The following ETFA variants were observed in gnomAD, a reference collection of about 807,000 sequenced individuals.
The protein encoded by ETFA is electron transfer flavoprotein subunit alpha, mitochondrial.
ETFA carries 22 observed loss-of-function variants against 46.2 expected under a neutral mutation model. The ratio of observed to expected loss-of-function variants is 0.48; its 90% CI spans 0.34 to 0.68. The LOEUF (loss-of-function observed/expected upper bound fraction) is 0.68, where lower values mean the gene tolerates loss of function less well. Among genes scored for constraint, ETFA ranks in the 30% least tolerant of loss-of-function variants. The probability of loss-of-function intolerance (pLI) is 0.01; values close to 1 mark genes in which losing one functional copy is unlikely to be tolerated. For synonymous variants in ETFA, 131 were observed against 139.9 expected, an observed-to-expected ratio of 0.94 and a Z score of 0.45; for missense variants, 345 against 401.1, an observed-to-expected ratio of 0.86 and a Z score of 1.19.
chr15:76,229,899 T>C (rs1172208386), intron 10 of ETFA: 1 of 152,166 alleles, frequency 6.6e-6, no homozygotes, highest in African/African-American at 2.4e-5. Flanking sequence ...CTATATATTA[T>C]TATGCATGAA....
chr15:76,239,925 T>C (rs2039167940), intron 9 of ETFA, among the ~76,000 whole-genome samples: 1 of 152,164 alleles, frequency 6.6e-6, no homozygotes, highest in African/African-American at 2.4e-5. Flanking sequence ...GATTTATTGC[T>C]CTATCAACCA....
chr15:76,217,814 A>G, intron 11 of ETFA: 1 of 265,014 alleles, frequency 3.8e-6, no homozygotes, highest in Non-Finnish European at 7.8e-6. Flanking sequence ...TGATGAATAC[A>G]GCCTCTCAAT....
At chr15:76,258,170 T>TAATA (rs10688626) in intron 9 of ETFA, among the ~76,000 whole-genome samples, 34,386 of 151,000 alleles carry the variant, frequency 0.23, 4,596 homozygotes, top group African/African-American at 0.37. Flanking sequence ...TAAAGTATAA[T>TAATA]AATAAATAAA....
intron 9 of ETFA, among the ~76,000 whole-genome samples, chr15:76,265,888 T>C (rs987667350): frequency 1.3e-5 from 2 of 152,214 alleles, no homozygotes; most frequent in African/African-American, 4.8e-5. Context: ...TGGAGTATCA[T>C]TTTTAGCAGT....
intron 11 of ETFA, among the ~76,000 whole-genome samples, chr15:76,218,090 A>G (rs2038916443): frequency 6.6e-6 from 1 of 152,256 alleles, no homozygotes; most frequent in Non-Finnish European, 1.5e-5. Context: ...CGGGACCTGT[A>G]TATTTCATGA....
At chr15:76,272,586 A>G (rs1051811392) in intron 9 of ETFA, among the ~76,000 whole-genome samples, 11 of 151,984 alleles carry the variant, frequency 7.2e-5, no homozygotes, top group African/African-American at 2.7e-4. Flanking sequence ...ATGAAATCAG[A>G]CCTACAGATG....
At chr15:76,283,862 C>T (rs765570215) in intron 7 of ETFA, 37 bp from the exon 8 acceptor site, 1 of 1,417,292 alleles carries the variant, frequency 7.1e-7, no homozygotes, top group African/African-American at 1.4e-5. Flanking sequence ...ATTAGGCAAA[C>T]ATCAAATACA....
chr15:76,277,347 A>G (rs1376270465), intron 8 of ETFA, among the ~76,000 whole-genome samples: 1 of 152,198 alleles, frequency 6.6e-6, no homozygotes, highest in East Asian at 1.9e-4. Context: ...ATGCTCTGGC[A>G]TATTTTAAAA....
At chr15:76,290,939 A>G (rs180712447) in intron 4 of ETFA, among the ~76,000 whole-genome samples, 4 of 152,324 alleles carry the variant, frequency 2.6e-5, no homozygotes, top group Admixed American at 2.6e-4. Flanking sequence ...AAATAGGCTA[A>G]GCACAGTGAC....
chr15:76,274,771 C>T (rs956892264), intron 8 of ETFA, among the ~76,000 whole-genome samples: 1 of 152,106 alleles, frequency 6.6e-6, no homozygotes, highest in Non-Finnish European at 1.5e-5. Flanking sequence ...GTAATAACTT[C>T]ACAAGTTTTG....
chr15:76,221,890 G>A (rs567531285), intron 11 of ETFA, among the ~76,000 whole-genome samples: 2 of 152,106 alleles, frequency 1.3e-5, no homozygotes, highest in South Asian at 2.1e-4. Flanking sequence ...TAATATAAGA[G>A]AATAAAATGT....
intron 1 of ETFA, among the ~76,000 whole-genome samples, chr15:76,307,609 C>T (rs909026975): frequency 4.6e-5 from 7 of 151,924 alleles, no homozygotes; most frequent in Non-Finnish European, 1.0e-4. Context: ...GCCTCAGCCT[C>T]CCAAGTAGCT....
intron 9 of ETFA, among the ~76,000 whole-genome samples, chr15:76,267,428 C>T (rs940259621): frequency 2.0e-5 from 3 of 152,096 alleles, no homozygotes; most frequent in Non-Finnish European, 2.9e-5. Flanking sequence ...GTTAATTTGG[C>T]CGGTTTTGTT....
At chr15:76,232,841 C>A (rs1222896075) in intron 9 of ETFA, among the ~76,000 whole-genome samples, 1 of 152,196 alleles carries the variant, frequency 6.6e-6, no homozygotes. Context: ...TGGAGAACCA[C>A]TACAATAAGT....
At chr15:76,263,860 T>TA (rs972491501) in intron 9 of ETFA, among the ~76,000 whole-genome samples, 37 of 151,988 alleles carry the variant, frequency 2.4e-4, no homozygotes, top group African/African-American at 8.5e-4. Context: ...AAAGGAAAAC[T>TA]AAAAAAAGTA....
intron 1 of ETFA, among the ~76,000 whole-genome samples, chr15:76,300,193 G>A (rs1168252749): frequency 1.3e-5 from 2 of 151,976 alleles, no homozygotes; most frequent in East Asian, 3.9e-4. Flanking sequence ...TCTCAAATAG[G>A]GTTCAAAGCT....
chr15:76,256,321 A>G (rs935158339), intron 9 of ETFA, among the ~76,000 whole-genome samples: 2 of 151,720 alleles, frequency 1.3e-5, no homozygotes, highest in Non-Finnish European at 2.9e-5. Flanking sequence ...GATTACATGT[A>G]TATTTAATAT....
chr15:76,260,369 C>A, intron 9 of ETFA: 2 of 1,486,134 alleles, frequency 1.3e-6, no homozygotes, highest in Non-Finnish European at 9.4e-7. Context: ...AGATGAGGGC[C>A]AGGGCAGCAG....
At chr15:76,278,436 CTCTTA>C (rs1292362631) in intron 8 of ETFA, among the ~76,000 whole-genome samples, 2 of 152,264 alleles carry the variant, frequency 1.3e-5, no homozygotes, top group Admixed American at 1.3e-4. Flanking sequence ...CCTTGTTCTC[CTCTTA>C]TATCACACCA....
Sources: allele counts gnomAD v4.1 joint callset (sites outside exome capture counted in the v4.1 genomes callset), GRCh38; gene constraint gnomAD v4.1.1; transcripts MANE v1.5; gene names NCBI Gene and HGNC (gene_info 2026-07-23, HGNC 2026-07-21).